The following CSNK1G2 variants were observed in gnomAD, a reference collection of about 807,000 sequenced individuals.
CSNK1G2 encodes casein kinase I isoform gamma-2.
In CSNK1G2, 11 loss-of-function variants were observed where a neutral mutation model predicts 48.0. The observed-to-expected ratio is 0.23, with a 90% CI of 0.14 to 0.38. The LOEUF is 0.38. Ranked by LOEUF, CSNK1G2 falls within the 10% of genes least tolerant of loss-of-function variation. The probability of loss-of-function intolerance (pLI) is 1.00; values close to 1 mark genes in which losing one functional copy is unlikely to be tolerated. For synonymous variants in CSNK1G2, 337 were observed against 254.1 expected, an observed-to-expected ratio of 1.33 and a Z score of -3.10; for missense variants, 446 against 595.5, an observed-to-expected ratio of 0.75 and a Z score of 2.61.
Position 1,978,262 on chromosome 19 carries a change from G to A in CSNK1G2, c.188-43G>A, listed in dbSNP as rs2015828231. 3 of 1,610,908 alleles carry A rather than the reference G, an allele frequency of 1.9e-6. No individual in the cohort carries two copies. The African/African-American group carries it at 4.0e-5, about 22-fold the overall frequency. ...GGTGGGCTGGGGAGGTCGGGGCTAG[G>A]TGGGCCCTGCGCTGGCGGTGCTGAT... On this transcript the variant is annotated intron_variant, in intron 2 of 11. Transcript: ENST00000255641. This position sits in a 1 kb window ranked among gnomAD's most constrained non-coding sequence, Gnocchi z 7.3.
chr19:1,978,454 T>C lies in CSNK1G2; in HGVS notation c.241T>C (p.Ser81Pro). Reference sequence around the variant, plus strand: ...CTTGTGCCCCCAGGAGCCGATCAAGTCCCGGGCCCCGCAGCTGCACCTGGA... The same window carrying C: ...CTTGTGCCCCCAGGAGCCGATCAAGCCCCGGGCCCCGCAGCTGCACCTGGA... ...YVAIKLEPIK[S>P]RAPQLHLEYR... The change falls in exon 4 of 12, where the codon TCC becomes CCC. Residue 81 changes from serine to proline, a missense_variant. By Grantham distance (74) the Ser-to-Pro change is moderately conservative (BLOSUM62 -1). Around this residue, in one of 2 missense-constraint regions of CSNK1G2, gnomAD observed 258 missense variants for 415.9 expected, o/e 0.62. Coordinates refer to ENST00000255641, the MANE Select transcript of CSNK1G2 (RefSeq NM_001319.7). This position sits in a 1 kb window ranked among gnomAD's most constrained non-coding sequence, Gnocchi z 7.3. 6.2e-7 allele frequency: 1 copy of C among 1,608,988 alleles called. No individual in the cohort carries two copies.
In CSNK1G2 at chr19:1,979,982, A is replaced by C; in HGVS notation, c.1158A>C (p.Thr386=). The change falls in exon 11 of 12, where the codon ACA becomes ACC. Residue 386 remains threonine (T), a synonymous_variant. Transcript: ENST00000255641. ...CCGGCCACTCCAACGCCCCGATCAC[A>C]GCGCCTGCAGAGGTGGAGGTGGCCG... ...PTAGHSNAPI[T]APAEVEVADE... 1 of 1,587,932 alleles carries C rather than the reference A, an allele frequency of 6.3e-7. No individual in the cohort carries two copies. The highest frequency in any genetic ancestry group is 8.6e-7 in the Non-Finnish European group (1 of 1,166,036).
chr19:1,971,160 G>A (rs1056145194), intron 2 of CSNK1G2, among the ~76,000 whole-genome samples: 2 of 152,236 alleles, frequency 1.3e-5, no homozygotes. Context: ...GCAGAAGTGT[G>A]TGTCCTATGA....
intron 1 of CSNK1G2, among the ~76,000 whole-genome samples, chr19:1,948,604 G>C (rs907624869): frequency 6.7e-6 from 1 of 148,966 alleles, no homozygotes; most frequent in Non-Finnish European, 1.5e-5. Flanking sequence ...GCCTTATTTC[G>C]GTGTGGTCCT....
chr19:1,957,693 G>A lies in CSNK1G2; in HGVS notation c.-265-11815G>A, dbSNP rs966308138. On this transcript the variant is annotated intron_variant, in intron 1 of 11. Transcript: ENST00000255641. This position sits in a 1 kb window ranked among gnomAD's most constrained non-coding sequence, Gnocchi z 5.4. ...CGCAGGACCCCGGGTGACTGCAGAC[G>A]TGGGCACAGAGGGGCCTCTGAGGGC... Among the ~76,000 whole-genome samples, 1 of 152,174 alleles carries A rather than the reference G, an allele frequency of 6.6e-6. No individual in the cohort carries two copies. The highest frequency in any genetic ancestry group is 1.5e-5 in the Non-Finnish European group (1 of 68,030).
At chr19:1,964,458 G>A (rs552202236) in intron 1 of CSNK1G2, among the ~76,000 whole-genome samples, 35 of 152,242 alleles carry the variant, frequency 2.3e-4, no homozygotes, top group African/African-American at 8.4e-4. Context: ...GACTTTCCTC[G>A]TGTGGAAGAA....
intron 1 of CSNK1G2, among the ~76,000 whole-genome samples, chr19:1,943,561 T>C (rs529944252): frequency 6.6e-6 from 1 of 152,020 alleles, no homozygotes; most frequent in Non-Finnish European, 1.5e-5. Flanking sequence ...GAAGCCAGTA[T>C]GCCAGCCATT....
intron 1 of CSNK1G2, among the ~76,000 whole-genome samples, chr19:1,968,420 C>T (rs1434750882): frequency 6.6e-6 from 1 of 152,224 alleles, no homozygotes; most frequent in African/African-American, 2.4e-5. Context: ...TCCTGCCTCC[C>T]GTCGGGGCCT....
At chr19:1,967,442 G>T (rs1163173757) in intron 1 of CSNK1G2, among the ~76,000 whole-genome samples, 1 of 152,154 alleles carries the variant, frequency 6.6e-6, no homozygotes, top group Non-Finnish European at 1.5e-5. Context: ...GCTTCTGTCT[G>T]TCTGGAGCCC....
Position 1,978,543 on chromosome 19 carries a change from T to A in CSNK1G2, c.298+32T>A. 6.4e-7 allele frequency: 1 copy of A among 1,567,230 alleles called. No individual in the cohort carries two copies. The highest frequency in any genetic ancestry group is 8.6e-7 in the Non-Finnish European group (1 of 1,157,218). On this transcript the variant is annotated intron_variant, in intron 4 of 11. Coordinates refer to ENST00000255641, the MANE Select transcript of CSNK1G2 (RefSeq NM_001319.7). This position sits in a 1 kb window ranked among gnomAD's most constrained non-coding sequence, Gnocchi z 7.3. Reference sequence around the variant, plus strand: ...GGCGGCCCGCGGGTGGGGCGGGGGCTGCGCAGGGGCAGGGAGGGGGCTGCC... The same window carrying A: ...GGCGGCCCGCGGGTGGGGCGGGGGCAGCGCAGGGGCAGGGAGGGGGCTGCC...
intron 2 of CSNK1G2, among the ~76,000 whole-genome samples, chr19:1,972,238 T>G (rs2015599579): frequency 6.6e-6 from 1 of 152,234 alleles, no homozygotes. Context: ...GCAGGGACGC[T>G]TGGCTGTTTC....
At chr19:1,948,155 G>C (rs2014632105) in intron 1 of CSNK1G2, among the ~76,000 whole-genome samples, 1 of 152,158 alleles carries the variant, frequency 6.6e-6, no homozygotes, top group Non-Finnish European at 1.5e-5. Flanking sequence ...CTGGAAGGCC[G>C]CTGCCCCGGG....
At position 1,979,147 on chromosome 19, in the gene CSNK1G2, GC is replaced by G; in HGVS notation, c.683-12del. On this transcript the variant is annotated splice_polypyrimidine_tract_variant and intron_variant, in intron 6 of 11. Coordinates refer to ENST00000255641, the MANE Select transcript of CSNK1G2 (RefSeq NM_001319.7). ...GGCGCCCGGACCCCGCTGAGGCTGCGCCCCTGTCCCCGCAGAGCAGAGCCGC... is the reference window on the plus strand; with the variant it reads ...GGCGCCCGGACCCCGCTGAGGCTGCGCCCTGTCCCCGCAGAGCAGAGCCGC... The G allele has an allele frequency of 6.5e-7, 1 of 1,535,116 alleles. No homozygotes were observed. Among genetic ancestry groups the G allele is most frequent in the Non-Finnish European group, 8.7e-7 (1 of 1,144,084 alleles).
intron 1 of CSNK1G2, among the ~76,000 whole-genome samples, chr19:1,945,406 G>T (rs1477386663): frequency 6.6e-6 from 1 of 152,188 alleles, no homozygotes; most frequent in Admixed American, 6.5e-5. Context: ...GGGAATCGGG[G>T]CAGCCCCCTG....
At chr19:1,975,747 G>T (rs1317316068) in intron 2 of CSNK1G2, 1 of 984,764 alleles carries the variant, frequency 1.0e-6, no homozygotes. Flanking sequence ...CTAAAACTTC[G>T]AAATCTGACC....
Position 1,971,127 on chromosome 19 carries a change from A to AGTG in CSNK1G2, c.187+1169_187+1170insTGG, listed in dbSNP as rs201840640. ...ATGGTAGTTGCCACTCGTGGGCAGA[A>AGTG]GGGTTCAGCAGGCAGTTATGCGGCA... On this transcript the variant is annotated intron_variant, in intron 2 of 11. Coordinates refer to ENST00000255641, the MANE Select transcript of CSNK1G2 (RefSeq NM_001319.7). Among the ~76,000 whole-genome samples the AGTG allele has an allele frequency of 4.5e-3, 686 of 152,322 alleles. 7 individuals are homozygous for AGTG. Among genetic ancestry groups the AGTG allele is most frequent in the African/African-American group, 0.015 (644 of 41,574 alleles).
At chr19:1,942,515 G>GCAT (rs1358776937) in intron 1 of CSNK1G2, 1 of 152,360 alleles carries the variant, frequency 6.6e-6, no homozygotes, top group Non-Finnish European at 1.5e-5. Flanking sequence ...GGCCATGTGG[G>GCAT]GCTCTGCCTC....
chr19:1,944,708 A>G, intron 1 of CSNK1G2, among the ~76,000 whole-genome samples: 1 of 140,986 alleles, frequency 7.1e-6, no homozygotes, highest in Non-Finnish European at 1.5e-5. Context: ...GGGGGGGGGT[A>G]CCCCTTTGTG....
Position 1,979,797 on chromosome 19 carries a change from C to G in CSNK1G2, c.1048C>G (p.Gln350Glu). Residue 350 changes from glutamine (Q) to glutamate (E), a missense_variant, in exon 10 of 12, where the codon CAG becomes GAG. By Grantham distance (29) the Gln-to-Glu change is conservative. Transcript: ENST00000255641. ...CCACACCGACCTGCCCTCCCAGCCTCAGCTCCGGGACAAAACCCAGCCGCA... is the reference window on the plus strand; with the variant it reads ...CCACACCGACCTGCCCTCCCAGCCTGAGCTCCGGGACAAAACCCAGCCGCA... ...TVHTDLPSQP[Q>E]LRDKTQPHSK... The G allele has an allele frequency of 6.2e-7, 1 of 1,607,540 alleles. No individual in the cohort carries two copies. The highest frequency in any genetic ancestry group is 1.1e-5 in the South Asian group (1 of 90,646).
Sources: allele counts gnomAD v4.1 joint callset (sites outside exome capture counted in the v4.1 genomes callset), GRCh38; gene constraint gnomAD v4.1.1; regional missense constraint gnomAD v4.1.1; non-coding constraint Gnocchi (gnomAD v3.1); transcripts MANE v1.5; gene names NCBI Gene and HGNC (gene_info 2026-07-23, HGNC 2026-07-21).